ACYP1: variants seen among roughly 807,000 people sequenced by gnomAD.
ACYP1 encodes the protein acylphosphatase 1.
Under a neutral mutation model 10.4 loss-of-function variants are expected in ACYP1, and 8 were observed. The observed-to-expected ratio is 0.77, with a 90% CI of 0.45 to 1.38. The LOEUF (loss-of-function observed/expected upper bound fraction) is 1.38, where lower values mean the gene tolerates loss of function less well. Among genes scored for constraint, ACYP1 ranks in the 40% most tolerant of loss-of-function variants. The pLI is 0.00. For missense variants in ACYP1, 93 were observed against 117.3 expected, an observed-to-expected ratio of 0.79 and a Z score of 0.96; for synonymous variants, 38 against 40.8, an observed-to-expected ratio of 0.93 and a Z score of 0.26.
chr14:75,061,978 G>C (rs1163718353), intron 2 of ACYP1, among the ~76,000 whole-genome samples: 1 of 151,790 alleles, frequency 6.6e-6, no homozygotes, highest in Non-Finnish European at 1.5e-5. Flanking sequence ...GCACATGCCT[G>C]TAATCTCAGC....
chr14:75,063,258 C>T, intron 2 of ACYP1: 1 of 551,696 alleles, frequency 1.8e-6, no homozygotes, highest in Non-Finnish European at 3.3e-6. Context: ...TGCTCAGGCA[C>T]CACTGACTAA....
At chr14:75,053,738 T>C (rs1002614338) in intron 2 of ACYP1, 79 bp from the exon 3 acceptor site, 1 of 1,380,690 alleles carries the variant, frequency 7.2e-7, no homozygotes, top group South Asian at 1.2e-5. Context: ...GCCAGAATCT[T>C]GGCCTAGAAT....
At position 75,063,977 on chromosome 14, in the gene ACYP1, G is replaced by T. The variant is rs1181183172; in HGVS notation, c.-32C>A. 1.9e-5 allele frequency: 19 copies of T among 997,618 alleles called. No homozygotes were observed. Among genetic ancestry groups the T allele is most frequent in the Middle Eastern group, 5.1e-4 (1 of 1,962 alleles). The allele number at this position is 997,618 out of a possible 1,614,324, so 61.8% of individuals were successfully genotyped here. On this transcript the variant is annotated 5_prime_UTR_variant, in exon 1 of 3. Coordinates refer to ENST00000238618, the MANE Select transcript of ACYP1 (RefSeq NM_001107.5). ...ACCCTCCTTGTCTTCCCCACCGGCTGCCAGGATCACTCCGGGACCACCACG... is the reference window on the plus strand; with the variant it reads ...ACCCTCCTTGTCTTCCCCACCGGCTTCCAGGATCACTCCGGGACCACCACG...
intron 2 of ACYP1, among the ~76,000 whole-genome samples, chr14:75,055,992 A>T (rs1355001930): frequency 6.6e-6 from 1 of 151,588 alleles, no homozygotes; most frequent in Non-Finnish European, 1.5e-5. Context: ...GAACAATTAT[A>T]TGCCAAAAAA....
intron 2 of ACYP1, chr14:75,059,792 T>G (rs1892973225): frequency 6.5e-6 from 1 of 153,112 alleles, no homozygotes; most frequent in South Asian, 2.1e-4. Flanking sequence ...GAAAGGAAAT[T>G]GTTTTTACTT....
At chr14:75,056,449 CTT>C in intron 2 of ACYP1, among the ~76,000 whole-genome samples, 1 of 151,112 alleles carries the variant, frequency 6.6e-6, no homozygotes, top group South Asian at 2.1e-4. Context: ...GTCAATACCT[CTT>C]TTCCTTTTTC....
At chr14:75,066,967 G>T (rs1893152271), upstream of ACYP1, among the ~76,000 whole-genome samples, 1 of 152,208 alleles carries the variant, frequency 6.6e-6, no homozygotes, top group Non-Finnish European at 1.5e-5. Flanking sequence ...TGGAGAGGCA[G>T]ATTTGAGAAT....
At chr14:75,067,945 G>A (rs114694973), upstream of ACYP1, among the ~76,000 whole-genome samples, 184 of 152,266 alleles carry the variant, frequency 1.2e-3, no homozygotes, top group African/African-American at 4.3e-3. Flanking sequence ...GCTCCAGTGA[G>A]CAGTGATTGT....
At chr14:75,055,077 CTCTTT>C (rs1183415309) in intron 2 of ACYP1, among the ~76,000 whole-genome samples, 9 of 107,940 alleles carry the variant, frequency 8.3e-5, no homozygotes, top group Admixed American at 6.2e-4. Context: ...TTTATCTGAA[CTCTTT>C]TTTTTTTTTT....
intron 2 of ACYP1, chr14:75,059,978 G>A (rs1000554238): frequency 2.0e-5 from 6 of 295,972 alleles, no homozygotes; most frequent in African/African-American, 1.3e-4. Context: ...GGGAGTTAGT[G>A]TTTAATGAAT....
At chr14:75,068,290 C>T (rs1308148358), upstream of ACYP1, among the ~76,000 whole-genome samples, 3 of 151,976 alleles carry the variant, frequency 2.0e-5, no homozygotes, top group Non-Finnish European at 4.4e-5. Context: ...GGCGAGATTC[C>T]GTCTCAAAAA....
At chr14:75,068,257 C>T (rs1216310747), upstream of ACYP1, among the ~76,000 whole-genome samples, 3 of 152,190 alleles carry the variant, frequency 2.0e-5, no homozygotes, top group Non-Finnish European at 4.4e-5. Flanking sequence ...CGCCACTGCA[C>T]TTCAGCCTGG....
chr14:75,066,081 G>A (rs1893137871), upstream of ACYP1, among the ~76,000 whole-genome samples: 1 of 152,186 alleles, frequency 6.6e-6, no homozygotes, highest in Non-Finnish European at 1.5e-5. Flanking sequence ...TTTCCAAGTA[G>A]TCTTAACACA....
At chr14:75,069,475 T>G (rs1893246302) in exon 1 of ACYP1, 1 of 507,832 alleles carries the variant, frequency 2.0e-6, no homozygotes, top group Non-Finnish European at 3.4e-6. Context: ...GCTGCAGAGT[T>G]GGCCGGACAC....
rs34805683 is a variant in ACYP1, at chr14:75,057,988, AG to A, written c.85-4330del. 1.8e-4 allele frequency among the ~76,000 whole-genome samples: 27 copies of A among 147,112 alleles called. 1 individual carries two copies. Among genetic ancestry groups the A allele is most frequent in the Non-Finnish European group, 2.1e-4 (14 of 66,972 alleles). On this transcript the variant is annotated intron_variant, in intron 2 of 2. Coordinates refer to ENST00000238618, the MANE Select transcript of ACYP1 (RefSeq NM_001107.5). ...TCAAAAAAAAAAAAAAAAAAAAAAA[AG>A]AACTACCTGCTGAGGCTGGGTAATT...
At position 75,053,260 on chromosome 14, in the gene ACYP1, TATTG is replaced by T. The variant is rs1892781628; in HGVS notation, c.*180_*183del. ...TCTAAGCAGAAGGTTCTAACGTTTT[TATTG>T]ATTAGATTTGTGTACAGTGGTAATC... On this transcript the variant is annotated 3_prime_UTR_variant, in exon 3 of 3. Transcript: ENST00000238618. 1.6e-6 allele frequency: 1 copy of T among 615,368 alleles called. No homozygotes were observed. Among genetic ancestry groups the T allele is most frequent in the Non-Finnish European group, 2.8e-6 (1 of 358,228 alleles). The allele number at this position is 615,368 out of a possible 1,614,324, so 38.1% of individuals were successfully genotyped here.
intron 2 of ACYP1, among the ~76,000 whole-genome samples, chr14:75,054,660 A>G (rs1237887812): frequency 6.6e-6 from 1 of 151,666 alleles, no homozygotes; most frequent in Non-Finnish European, 1.5e-5. Flanking sequence ...GCATAGCAAC[A>G]AAATGTTTGA....
chr14:75,065,046 G>A (rs175504), upstream of ACYP1, among the ~76,000 whole-genome samples: 149,390 of 152,346 alleles, frequency 0.98, 73,301 homozygotes, highest in East Asian at 1. Flanking sequence ...TTACAGTTGA[G>A]TCAGTCAATC....
At chr14:75,068,073 TG>T, upstream of ACYP1, among the ~76,000 whole-genome samples, 2 of 151,760 alleles carry the variant, frequency 1.3e-5, no homozygotes, top group Middle Eastern at 6.8e-3. Flanking sequence ...GCGGATCACC[TG>T]GGGTCAGGAG....
Sources: allele counts gnomAD v4.1 joint callset (sites outside exome capture counted in the v4.1 genomes callset), GRCh38; gene constraint gnomAD v4.1.1; transcripts MANE v1.5; gene names NCBI Gene and HGNC (gene_info 2026-07-23, HGNC 2026-07-21).